The following FILIP1L variants were observed in gnomAD, a reference collection of about 807,000 sequenced individuals.
FILIP1L encodes filamin A interacting protein 1 like, also known as filamin A-interacting protein 1-like.
A neutral mutation model predicts 96.6 loss-of-function variants in FILIP1L; 55 were observed. The observed-to-expected ratio is 0.57, with a 90% CI of 0.46 to 0.71. The LOEUF is 0.71. Ranked by LOEUF, FILIP1L falls within the 30% of genes least tolerant of loss-of-function variation. The probability of loss-of-function intolerance (pLI) is 0.00; values close to 1 mark genes in which losing one functional copy is unlikely to be tolerated. For synonymous variants in FILIP1L, 467 were observed against 473.9 expected, an observed-to-expected ratio of 0.99 and a Z score of 0.19; for missense variants, 1,304 against 1,321.2, an observed-to-expected ratio of 0.99 and a Z score of 0.20.
At chr3:99,996,132 C>A (rs577162229) in intron 1 of FILIP1L, among the ~76,000 whole-genome samples, 11 of 152,314 alleles carry the variant, frequency 7.2e-5, no homozygotes, top group Admixed American at 2.0e-4. Context: ...AACTGAATGC[C>A]TATAACAGCA....
At chr3:99,983,688 T>C (rs1352431701) in intron 1 of FILIP1L, among the ~76,000 whole-genome samples, 1 of 139,952 alleles carries the variant, frequency 7.1e-6, no homozygotes, top group Non-Finnish European at 1.5e-5. Context: ...AGACTCAGTC[T>C]CAAAAAAAAA....
intron 1 of FILIP1L, among the ~76,000 whole-genome samples, chr3:100,047,608 G>A (rs1303291601): frequency 1.3e-5 from 2 of 152,156 alleles, no homozygotes; most frequent in African/African-American, 2.4e-5. Flanking sequence ...TTATGCCTCC[G>A]CAAACAGTGA....
At chr3:99,926,047 AT>A in intron 3 of FILIP1L, 1 of 183,932 alleles carries the variant, frequency 5.4e-6, no homozygotes, top group Non-Finnish European at 1.0e-5. Context: ...GATAATGTTG[AT>A]TGATTTTTAC....
chr3:99,995,795 G>A (rs563977219), intron 1 of FILIP1L, among the ~76,000 whole-genome samples: 154 of 152,312 alleles, frequency 1.0e-3, no homozygotes, highest in African/African-American at 3.4e-3. Flanking sequence ...CAAGGTCTGC[G>A]TTGGCCCCTT....
At chr3:100,018,728 C>A (rs929578936) in intron 1 of FILIP1L, among the ~76,000 whole-genome samples, 2 of 92,816 alleles carry the variant, frequency 2.2e-5, no homozygotes, top group Non-Finnish European at 2.2e-5. Flanking sequence ...TAAAAGTTTC[C>A]GCATAGCAAA....
At chr3:100,112,481 C>T (rs1435475991) in intron 1 of FILIP1L, among the ~76,000 whole-genome samples, 2 of 152,134 alleles carry the variant, frequency 1.3e-5, no homozygotes, top group Non-Finnish European at 2.9e-5. Context: ...CTACCTAAGA[C>T]CAAGTCTTGA....
chr3:99,960,933 A>G (rs1708472202), intron 1 of FILIP1L, among the ~76,000 whole-genome samples: 1 of 152,192 alleles, frequency 6.6e-6, no homozygotes, highest in African/African-American at 2.4e-5. Context: ...AAAAGAGTCT[A>G]TTTTTAAAAG....
At chr3:99,876,713 T>C (rs925662980) in intron 4 of FILIP1L, among the ~76,000 whole-genome samples, 1 of 152,150 alleles carries the variant, frequency 6.6e-6, no homozygotes, top group Admixed American at 6.5e-5. Flanking sequence ...TATTTCCTGA[T>C]GATGTAACTA....
At chr3:100,045,259 C>T (rs2065260945) in intron 1 of FILIP1L, among the ~76,000 whole-genome samples, 1 of 152,170 alleles carries the variant, frequency 6.6e-6, no homozygotes, top group Non-Finnish European at 1.5e-5. Context: ...GGGATGCGTA[C>T]AGCACATAGC....
chr3:99,956,052 G>A (rs1004614184), intron 1 of FILIP1L, among the ~76,000 whole-genome samples: 1 of 152,148 alleles, frequency 6.6e-6, no homozygotes, highest in Non-Finnish European at 1.5e-5. Context: ...TTCATTGACT[G>A]ACACGTTTTT....
chr3:99,848,950 T>TCTA lies in FILIP1L; in HGVS notation c.2725_2726insTAG (p.Pro908_Asp909insVal). On this transcript the variant is annotated inframe_insertion, in exon 5 of 6. Transcript: ENST00000477258. The stretch of plus-strand genomic sequence containing the variant: ...AAGAGTGGCTGTGTTTTGTACATGG[T>TCTA]CTGGAGTAACCTTTATATGAAGTGG... 6.2e-7 allele frequency: 1 copy of TCTA among 1,614,154 alleles called. No individual in the cohort carries two copies. Among genetic ancestry groups the TCTA allele is most frequent in the African/African-American group, 1.3e-5 (1 of 75,042 alleles).
chr3:100,004,976 T>C (rs868575470), intron 1 of FILIP1L, among the ~76,000 whole-genome samples: 23 of 152,170 alleles, frequency 1.5e-4, no homozygotes, highest in African/African-American at 5.3e-4. Context: ...TAGGTTCTAA[T>C]TTGCTTGCAA....
intron 1 of FILIP1L, among the ~76,000 whole-genome samples, chr3:100,065,178 AG>A (rs2065643113): frequency 6.6e-6 from 1 of 152,176 alleles, no homozygotes. Context: ...GCGGGTTCCC[AG>A]GCCCCACCCC....
chr3:100,027,037 G>T lies in FILIP1L; in HGVS notation c.-11+87016C>A, dbSNP rs564890667. 7.1e-4 allele frequency among the ~76,000 whole-genome samples: 108 copies of T among 152,124 alleles called. No individual in the cohort carries two copies. The South Asian group carries it at 0.022, about 31-fold the overall frequency. On this transcript the variant is annotated intron_variant, in intron 1 of 5. Transcript: ENST00000477258. ...GTCCTTGCTGTTCCCTATTTTTCCA[G>T]GTATCTCTACGGCCCATTCATCCCC...
rs542919299 is a variant in FILIP1L at position 99,995,028 on chromosome 3, A to G, written c.-10-63998T>C. Among the ~76,000 whole-genome samples the G allele has an allele frequency of 4.6e-5, 7 of 152,184 alleles. No homozygotes were observed. The East Asian group carries it at 1.4e-3, about 29-fold the overall frequency. ...CTCATGTCCTCACATTTCAAAACCAATCATGCCTTCCCAACAGCACCCAAA... is the reference window on the plus strand; with the variant it reads ...CTCATGTCCTCACATTTCAAAACCAGTCATGCCTTCCCAACAGCACCCAAA... On this transcript the variant is annotated intron_variant, in intron 1 of 5. Coordinates refer to ENST00000477258, the MANE Select transcript of FILIP1L (RefSeq NM_001387850.1).
At chr3:99,872,251 G>A (rs1221321489) in intron 4 of FILIP1L, among the ~76,000 whole-genome samples, 2 of 141,166 alleles carry the variant, frequency 1.4e-5, no homozygotes, top group African/African-American at 5.3e-5. Context: ...AAAATTCTGT[G>A]GATATTCTGT....
At chr3:100,012,540 A>G (rs1710188320) in intron 1 of FILIP1L, among the ~76,000 whole-genome samples, 1 of 151,958 alleles carries the variant, frequency 6.6e-6, no homozygotes, top group Admixed American at 6.6e-5. Context: ...GGGAATAAGA[A>G]TTTTCTCTAA....
chr3:99,982,459 G>C (rs972152822), intron 1 of FILIP1L, among the ~76,000 whole-genome samples: 2 of 151,952 alleles, frequency 1.3e-5, no homozygotes, highest in Non-Finnish European at 2.9e-5. Flanking sequence ...TCCCACCTCA[G>C]CCTCCTGAAT....
intron 1 of FILIP1L, among the ~76,000 whole-genome samples, chr3:100,031,049 T>A (rs1014500365): frequency 2.0e-5 from 3 of 152,214 alleles, no homozygotes; most frequent in African/African-American, 7.2e-5. Context: ...CATAAAATGA[T>A]CTTTGCCCAT....
Sources: allele counts gnomAD v4.1 joint callset (sites outside exome capture counted in the v4.1 genomes callset), GRCh38; gene constraint gnomAD v4.1.1; transcripts MANE v1.5; gene names NCBI Gene and HGNC (gene_info 2026-07-23, HGNC 2026-07-21).